PTPRD: variants seen among roughly 807,000 people sequenced by gnomAD.
PTPRD encodes the protein receptor-type tyrosine-protein phosphatase delta.
PTPRD carries 34 observed loss-of-function variants against 214.5 expected under a neutral mutation model. The observed-to-expected ratio is 0.16, with a 90% CI of 0.12 to 0.21. The LOEUF is 0.21. PTPRD is among the 10% of genes least tolerant of loss of function. The pLI is 1.00. For synonymous variants in PTPRD, 1,128 were observed against 845.7 expected (o/e 1.33, Z -5.79); for missense variants, 2,545 against 2,398.7 (o/e 1.06, Z -1.27).
At chr9:10,416,083 C>T (rs1186653510) in intron 2 of PTPRD, among the ~76,000 whole-genome samples, 2 of 151,670 alleles carry the variant, frequency 1.3e-5, no homozygotes, top group African/African-American at 4.8e-5. Context: ...CATGGTGGCT[C>T]ATGCCTGTAA....
At chr9:9,824,502 T>C (rs1220598498) in intron 5 of PTPRD, among the ~76,000 whole-genome samples, 1 of 151,988 alleles carries the variant, frequency 6.6e-6, no homozygotes, top group Non-Finnish European at 1.5e-5. Context: ...TGTAATAAAA[T>C]ATATAAAGTT....
At chr9:10,247,885 T>G (rs1357295229) in intron 3 of PTPRD, among the ~76,000 whole-genome samples, 1 of 152,094 alleles carries the variant, frequency 6.6e-6, no homozygotes, top group Non-Finnish European at 1.5e-5. Flanking sequence ...AAACCTCATC[T>G]TGTAGCTCCC....
chr9:10,515,384 C>CT (rs2049719058), intron 2 of PTPRD, among the ~76,000 whole-genome samples: 1 of 150,274 alleles, frequency 6.7e-6, no homozygotes, highest in South Asian at 2.1e-4. Context: ...CTATAGACTA[C>CT]TTGGTCTTTT....
intron 3 of PTPRD, among the ~76,000 whole-genome samples, chr9:10,151,013 T>C (rs1004498888): frequency 6.6e-6 from 1 of 151,312 alleles, no homozygotes; most frequent in Admixed American, 6.6e-5. Context: ...AAAATAAGTA[T>C]AATATTTGGG....
At chr9:8,834,429 C>CTGCT (rs1401984230) in intron 11 of PTPRD, among the ~76,000 whole-genome samples, 15 of 151,714 alleles carry the variant, frequency 9.9e-5, no homozygotes, top group South Asian at 4.2e-4. Context: ...CTTTTATAAC[C>CTGCT]TGTTTTTGTT....
intron 12 of PTPRD, among the ~76,000 whole-genome samples, chr9:8,654,325 T>A (rs2096868725): frequency 6.6e-6 from 1 of 152,156 alleles, no homozygotes; most frequent in Admixed American, 6.5e-5. Flanking sequence ...TAAGTGTTCA[T>A]CTTCTCTCTC....
chr9:9,148,346 A>G (rs1161127667), intron 10 of PTPRD, among the ~76,000 whole-genome samples: 1 of 152,208 alleles, frequency 6.6e-6, no homozygotes, highest in Non-Finnish European at 1.5e-5. Flanking sequence ...TTTATACAGA[A>G]GAAAATATAG....
At chr9:10,298,086 G>T (rs1283293410) in intron 3 of PTPRD, among the ~76,000 whole-genome samples, 4 of 152,050 alleles carry the variant, frequency 2.6e-5, no homozygotes, top group Non-Finnish European at 5.9e-5. Flanking sequence ...CCTTTAATTT[G>T]GAGGCGCTTG....
At chr9:10,364,077 A>T (rs12000008) in intron 2 of PTPRD, among the ~76,000 whole-genome samples, 1 of 134,146 alleles carries the variant, frequency 7.5e-6, no homozygotes, top group Non-Finnish European at 1.5e-5. Context: ...TCGGCTCACT[A>T]CAAGCTCCCC....
intron 2 of PTPRD, among the ~76,000 whole-genome samples, chr9:10,534,791 A>G (rs1301298862): frequency 6.6e-6 from 1 of 152,196 alleles, no homozygotes; most frequent in African/African-American, 2.4e-5. Flanking sequence ...GCACCATTTC[A>G]TTTAATTAGT....
At chr9:8,900,479 C>T (rs1387298538) in intron 11 of PTPRD, among the ~76,000 whole-genome samples, 1 of 152,060 alleles carries the variant, frequency 6.6e-6, no homozygotes, top group East Asian at 1.9e-4. Context: ...GTGAATGGTC[C>T]AAACTGTTCA....
chr9:10,009,664 C>G (rs1449345094), intron 4 of PTPRD, among the ~76,000 whole-genome samples: 6 of 149,026 alleles, frequency 4.0e-5, no homozygotes, highest in Non-Finnish European at 9.0e-5. Flanking sequence ...CAGCTAGTCT[C>G]TTCAAGATCA....
At chr9:10,056,044 C>A (rs988465348) in intron 3 of PTPRD, among the ~76,000 whole-genome samples, 1 of 146,314 alleles carries the variant, frequency 6.8e-6, no homozygotes, top group Non-Finnish European at 1.5e-5. Flanking sequence ...ATTAAAGAGC[C>A]GGGCGCAGTG....
intron 5 of PTPRD, among the ~76,000 whole-genome samples, chr9:9,777,458 G>A (rs1475162900): frequency 6.6e-6 from 1 of 152,116 alleles, no homozygotes; most frequent in African/African-American, 2.4e-5. Flanking sequence ...CATTTGGGAG[G>A]CCGAGGTAGG....
chr9:9,442,785 G>A (rs539301527), intron 8 of PTPRD, among the ~76,000 whole-genome samples: 19 of 152,190 alleles, frequency 1.2e-4, no homozygotes, highest in South Asian at 2.1e-4. Context: ...TTCTTTTGGC[G>A]GTGGTTTTAA....
intron 3 of PTPRD, among the ~76,000 whole-genome samples, chr9:10,262,599 G>A (rs2093769361): frequency 1.3e-5 from 2 of 152,162 alleles, no homozygotes; most frequent in South Asian, 2.1e-4. Context: ...CAAAAACAGA[G>A]ACATTGGTAC....
intron 7 of PTPRD, among the ~76,000 whole-genome samples, chr9:9,691,962 A>C (rs1463480709): frequency 6.6e-6 from 1 of 152,030 alleles, no homozygotes; most frequent in African/African-American, 2.4e-5. Flanking sequence ...CCCATTTTTC[A>C]ATCAGATTAT....
intron 7 of PTPRD, among the ~76,000 whole-genome samples, chr9:9,595,456 G>C (rs1202827511): frequency 1.3e-5 from 2 of 149,204 alleles, no homozygotes; most frequent in African/African-American, 4.9e-5. Context: ...GCATACACAT[G>C]TACGCATATG....
chr9:8,774,001 C>T (rs917856334), intron 11 of PTPRD, among the ~76,000 whole-genome samples: 1 of 152,140 alleles, frequency 6.6e-6, no homozygotes, highest in Non-Finnish European at 1.5e-5. Flanking sequence ...TTAGGCAGCC[C>T]TCCTCAACGC....
Sources: allele counts gnomAD v4.1 joint callset (sites outside exome capture counted in the v4.1 genomes callset), GRCh38; gene constraint gnomAD v4.1.1; transcripts MANE v1.5; gene names NCBI Gene and HGNC (gene_info 2026-07-23, HGNC 2026-07-21).